FRYL: variants seen among roughly 807,000 people sequenced by gnomAD.
FRYL encodes protein furry homolog-like.
FRYL carries 150 observed loss-of-function variants against 351.2 expected under a neutral mutation model. The ratio of observed to expected loss-of-function variants is 0.43; its 90% CI spans 0.37 to 0.49. FRYL has a LOEUF of 0.49. Among genes scored for constraint, FRYL ranks in the 20% least tolerant of loss-of-function variants. The probability of loss-of-function intolerance (pLI) is 0.00; values close to 1 mark genes in which losing one functional copy is unlikely to be tolerated. For synonymous variants in FRYL, 1,153 were observed against 1,257.1 expected, an observed-to-expected ratio of 0.92 and a Z score of 1.75; for missense variants, 3,036 against 3,619.3, an observed-to-expected ratio of 0.84 and a Z score of 4.13.
intron 11 of FRYL, among the ~76,000 whole-genome samples, chr4:48,604,416 C>G (rs1435680144): frequency 6.6e-6 from 1 of 152,166 alleles, no homozygotes; most frequent in African/African-American, 2.4e-5. Flanking sequence ...GGAAATAGGT[C>G]ATTGCAGATC....
intron 1 of FRYL, among the ~76,000 whole-genome samples, chr4:48,739,278 G>A (rs1013914256): frequency 1.6e-4 from 24 of 151,960 alleles, no homozygotes; most frequent in Non-Finnish European, 5.9e-5. Flanking sequence ...GCATGTGCCT[G>A]TAATCTCAGC....
In FRYL at chr4:48,644,093, G is replaced by A. The variant is rs182567012; in HGVS notation, c.-80-9603C>T. Among the ~76,000 whole-genome samples, 94 of 152,186 alleles carry A rather than the reference G, an allele frequency of 6.2e-4. 1 individual carries two copies. In the East Asian group the frequency reaches 0.012, roughly 19 times the overall value. On this transcript the variant is annotated intron_variant, in intron 3 of 63. Coordinates refer to ENST00000358350, the MANE Select transcript of FRYL (RefSeq NM_015030.2). ...CAAGTAGCTGGGATTACAGGCATGC[G>A]CCACCATGCTGGCTAATTTTGTATT...
At chr4:48,741,528 G>A (rs1772069482) in intron 1 of FRYL, among the ~76,000 whole-genome samples, 1 of 151,826 alleles carries the variant, frequency 6.6e-6, no homozygotes, top group Non-Finnish European at 1.5e-5. Context: ...CAGCAGAGAG[G>A]GATTCTGTCT....
chr4:48,599,052 A>T (rs1745180000), intron 13 of FRYL, among the ~76,000 whole-genome samples: 1 of 152,188 alleles, frequency 6.6e-6, no homozygotes, highest in Non-Finnish European at 1.5e-5. Context: ...CGATTTGGGC[A>T]TCATGTAAGA....
Position 48,547,778 on chromosome 4 carries a change from G to C in FRYL, c.4889-9C>G. On this transcript the variant is annotated splice_polypyrimidine_tract_variant and intron_variant, in intron 40 of 63. Transcript: ENST00000358350. ...GTGGCAGTGGTCAAACCCTAAAAAG[G>C]ATAGTAGAGAAACATTATCAATAAA... is the stretch of plus-strand genomic sequence containing the variant. 1 of 1,432,922 alleles carries C rather than the reference G, an allele frequency of 7.0e-7. No homozygotes were observed. Among genetic ancestry groups the C allele is most frequent in the Non-Finnish European group, 9.3e-7 (1 of 1,074,796 alleles). 88.8% of individuals were successfully genotyped at this position (1,432,922 alleles called of 1,614,324 possible). A position where few individuals can be genotyped will look rare whatever the true frequency, so the allele number is the denominator to read the frequency against.
At chr4:48,568,150 A>C (rs1237954334) in intron 27 of FRYL, among the ~76,000 whole-genome samples, 2 of 152,190 alleles carry the variant, frequency 1.3e-5, no homozygotes, top group Non-Finnish European at 2.9e-5. Context: ...CTGTAGTCCC[A>C]GCTACTCGGG....
chr4:48,661,703 C>T (rs1760758221), intron 3 of FRYL, among the ~76,000 whole-genome samples: 1 of 152,148 alleles, frequency 6.6e-6, no homozygotes, highest in South Asian at 2.1e-4. Flanking sequence ...TGGCAACATC[C>T]AATTGAAATG....
chr4:48,591,820 C>T (rs560130896), intron 16 of FRYL, among the ~76,000 whole-genome samples: 2 of 152,186 alleles, frequency 1.3e-5, no homozygotes, highest in East Asian at 3.9e-4. Context: ...GACCCTCAGA[C>T]CCATCTGACA....
chr4:48,727,577 G>T (rs189919114), intron 1 of FRYL: 2 of 152,208 alleles, frequency 1.3e-5, no homozygotes, highest in East Asian at 3.9e-4. Context: ...GGGGCCTATC[G>T]CACTTTTTCT....
At chr4:48,713,931 A>C (rs1768427405) in intron 1 of FRYL, among the ~76,000 whole-genome samples, 1 of 152,160 alleles carries the variant, frequency 6.6e-6, no homozygotes, top group Admixed American at 6.5e-5. Context: ...CTCTCAGACC[A>C]CAGTGCAATC....
intron 35 of FRYL, among the ~76,000 whole-genome samples, chr4:48,556,666 T>A (rs908801218): frequency 2.0e-5 from 3 of 152,228 alleles, no homozygotes; most frequent in Non-Finnish European, 4.4e-5. Context: ...AATTTTTTTA[T>A]AGCCTTTATC....
At chr4:48,654,056 T>C in intron 3 of FRYL, 2 of 487,876 alleles carry the variant, frequency 4.1e-6, no homozygotes, top group Non-Finnish European at 3.0e-6. Context: ...AAGGACACCC[T>C]CACCTTTCTT....
chr4:48,720,190 C>A (rs1050088291), intron 1 of FRYL, among the ~76,000 whole-genome samples: 1 of 143,648 alleles, frequency 7.0e-6, no homozygotes, highest in African/African-American at 2.5e-5. Flanking sequence ...AATTTACCAT[C>A]TTAACCATTT....
chr4:48,655,195 G>A (rs1246651440), intron 3 of FRYL, among the ~76,000 whole-genome samples: 2 of 152,096 alleles, frequency 1.3e-5, no homozygotes, highest in Admixed American at 6.6e-5. Context: ...TCATTTGAAG[G>A]TATATTTTTT....
intron 23 of FRYL, among the ~76,000 whole-genome samples, chr4:48,577,251 ATTTTG>A (rs1739823607): frequency 6.6e-6 from 1 of 152,238 alleles, no homozygotes; most frequent in Non-Finnish European, 1.5e-5. Context: ...TCAATAAAAT[ATTTTG>A]AAACAATTCC....
chr4:48,712,480 G>T (rs1228950006), intron 1 of FRYL, among the ~76,000 whole-genome samples: 1 of 152,312 alleles, frequency 6.6e-6, no homozygotes, highest in Admixed American at 6.5e-5. Flanking sequence ...GATGGAAGAT[G>T]AAATGAAAGA....
intron 1 of FRYL, among the ~76,000 whole-genome samples, chr4:48,748,391 A>G (rs1331580986): frequency 2.0e-5 from 3 of 152,180 alleles, no homozygotes; most frequent in African/African-American, 4.8e-5. Context: ...AGCTTTCCTT[A>G]TAATTGTTTA....
intron 1 of FRYL, among the ~76,000 whole-genome samples, chr4:48,776,764 T>C (rs565591005): frequency 5.7e-4 from 87 of 152,288 alleles, no homozygotes; most frequent in African/African-American, 2.0e-3. Flanking sequence ...CTCCCCAAAA[T>C]ATTTTATACA....
chr4:48,563,083 C>A, intron 31 of FRYL, 95 bp from the exon 32 acceptor site: 12 of 765,510 alleles, frequency 1.6e-5, no homozygotes, highest in Admixed American at 7.2e-5. Flanking sequence ...GGCTTATAGG[C>A]ATCTATCTTC....
Sources: allele counts gnomAD v4.1 joint callset (sites outside exome capture counted in the v4.1 genomes callset), GRCh38; gene constraint gnomAD v4.1.1; transcripts MANE v1.5; gene names NCBI Gene and HGNC (gene_info 2026-07-23, HGNC 2026-07-21).